The following LRP1B variants were observed in gnomAD, a reference collection of about 807,000 sequenced individuals.
LRP1B encodes the protein LDL receptor related protein 1B.
LRP1B carries 217 observed loss-of-function variants against 556.6 expected under a neutral mutation model. The ratio of observed to expected loss-of-function variants is 0.39; its 90% CI spans 0.35 to 0.44. The LOEUF (loss-of-function observed/expected upper bound fraction) is 0.44, where lower values mean the gene tolerates loss of function less well. Ranked by LOEUF, LRP1B falls within the 20% of genes least tolerant of loss-of-function variation. LRP1B has a pLI of 1.00. For synonymous variants in LRP1B, 2,047 were observed against 1,865.8 expected (o/e 1.10, Z -2.50); for missense variants, 5,053 against 5,620.8 (o/e 0.90, Z 3.23).
intron 1 of LRP1B, among the ~76,000 whole-genome samples, chr2:141,838,750 T>A (rs1015355308): frequency 6.6e-6 from 1 of 152,196 alleles, no homozygotes; most frequent in Non-Finnish European, 1.5e-5. Context: ...ATAATTTACA[T>A]GTTCGCTGGA....
At chr2:140,351,711 G>A (rs1243298464) in intron 76 of LRP1B, among the ~76,000 whole-genome samples, 6 of 151,822 alleles carry the variant, frequency 4.0e-5, no homozygotes, top group East Asian at 1.9e-4. Context: ...AAATATTAAC[G>A]AAGCCCTAAA....
At chr2:140,269,571 A>T (rs1415968509) in intron 86 of LRP1B, among the ~76,000 whole-genome samples, 6 of 152,012 alleles carry the variant, frequency 3.9e-5, no homozygotes, top group Non-Finnish European at 7.4e-5. Flanking sequence ...GATGTGGGTT[A>T]TATGTGGGCA....
intron 84 of LRP1B, among the ~76,000 whole-genome samples, chr2:140,292,392 A>C (rs143785287): frequency 6.6e-6 from 1 of 152,148 alleles, no homozygotes; most frequent in Non-Finnish European, 1.5e-5. Flanking sequence ...AATCTAATAG[A>C]AACAGGAAAA....
At chr2:141,936,906 GT>G (rs11312481) in intron 1 of LRP1B, among the ~76,000 whole-genome samples, 25,669 of 143,326 alleles carry the variant, frequency 0.18, 2,266 homozygotes, top group African/African-American at 0.25. Context: ...ACACACATTA[GT>G]TTTTTTTTTT....
intron 11 of LRP1B, among the ~76,000 whole-genome samples, chr2:141,025,244 CAGAT>C (rs977033730): frequency 2.4e-4 from 36 of 152,088 alleles, no homozygotes; most frequent in Non-Finnish European, 3.5e-4. Flanking sequence ...GCAATAAATG[CAGAT>C]AGATAGAGCA....
chr2:141,827,864 A>G (rs1245632672), intron 1 of LRP1B, among the ~76,000 whole-genome samples: 2 of 152,062 alleles, frequency 1.3e-5, no homozygotes, highest in Non-Finnish European at 2.9e-5. Flanking sequence ...ATCTATATAT[A>G]CACCTATGTC....
chr2:140,298,476 ATAAT>A (rs1166559398), intron 83 of LRP1B, among the ~76,000 whole-genome samples: 1 of 152,218 alleles, frequency 6.6e-6, no homozygotes, highest in Non-Finnish European at 1.5e-5. Context: ...GTAATTTATA[ATAAT>A]TAAATTTAGT....
intron 11 of LRP1B, among the ~76,000 whole-genome samples, chr2:141,040,234 T>C (rs745525532): frequency 6.6e-6 from 1 of 152,240 alleles, no homozygotes; most frequent in Middle Eastern, 3.4e-3. Flanking sequence ...AAAAATAAGA[T>C]TGATATTTAC....
At chr2:141,655,230 T>A (rs1689960130) in intron 2 of LRP1B, among the ~76,000 whole-genome samples, 1 of 152,176 alleles carries the variant, frequency 6.6e-6, no homozygotes. Context: ...AATGGATTTA[T>A]ATTCATGCTT....
chr2:141,517,259 T>TACACACACACACACACACCCACACATAC (rs71281835), intron 2 of LRP1B, among the ~76,000 whole-genome samples: 1 of 141,390 alleles, frequency 7.1e-6, no homozygotes. Flanking sequence ...AGGACAAGAA[T>TACACACACACACACACACCCACACATAC]ACGCACACAC....
At chr2:142,010,538 G>A (rs1382156989) in intron 1 of LRP1B, among the ~76,000 whole-genome samples, 1 of 110,506 alleles carries the variant, frequency 9.0e-6, no homozygotes, top group East Asian at 2.9e-4. Flanking sequence ...CTGGGCGACA[G>A]AGCAAGATTC....
At chr2:142,109,519 G>T (rs1186392943) in intron 1 of LRP1B, among the ~76,000 whole-genome samples, 1 of 152,100 alleles carries the variant, frequency 6.6e-6, no homozygotes, top group African/African-American at 2.4e-5. Context: ...AACATAACTT[G>T]GGTACTTCTG....
chr2:141,787,988 G>A (rs1202101015), intron 2 of LRP1B, among the ~76,000 whole-genome samples: 1 of 151,882 alleles, frequency 6.6e-6, no homozygotes, highest in Non-Finnish European at 1.5e-5. Context: ...TAAAGGAATA[G>A]AATTCTGTCC....
chr2:140,762,378 A>C (rs1688956148), intron 35 of LRP1B, among the ~76,000 whole-genome samples: 1 of 152,148 alleles, frequency 6.6e-6, no homozygotes, highest in Admixed American at 6.6e-5. Flanking sequence ...CACCTTCCTC[A>C]AAAGATTCTT....
intron 3 of LRP1B, among the ~76,000 whole-genome samples, chr2:141,362,500 C>A (rs1268120692): frequency 6.6e-6 from 1 of 152,162 alleles, no homozygotes; most frequent in East Asian, 1.9e-4. Flanking sequence ...ATGGCTAGAC[C>A]AGCAGTAAAA....
intron 62 of LRP1B, 77 bp from the exon 63 acceptor site, chr2:140,450,738 A>G: frequency 1.0e-6 from 1 of 960,770 alleles, no homozygotes; most frequent in Non-Finnish European, 1.6e-6. Context: ...ATTTGGCAAC[A>G]CAGCCTAGTC....
At chr2:141,836,589 T>A (rs1023676835) in intron 1 of LRP1B, among the ~76,000 whole-genome samples, 1 of 151,952 alleles carries the variant, frequency 6.6e-6, no homozygotes, top group Non-Finnish European at 1.5e-5. Context: ...GGATCACCAT[T>A]AGGCCTTCAA....
At chr2:141,872,274 T>C (rs1276095092) in intron 1 of LRP1B, among the ~76,000 whole-genome samples, 1 of 151,930 alleles carries the variant, frequency 6.6e-6, no homozygotes, top group Non-Finnish European at 1.5e-5. Flanking sequence ...AGAACTGAAA[T>C]GAAATATTTT....
chr2:140,369,050 T>C (rs543306252), intron 71 of LRP1B, among the ~76,000 whole-genome samples: 3 of 152,024 alleles, frequency 2.0e-5, no homozygotes, highest in Non-Finnish European at 4.4e-5. Context: ...ATTAAATATT[T>C]AGTAGAATAA....
Sources: allele counts gnomAD v4.1 joint callset (sites outside exome capture counted in the v4.1 genomes callset), GRCh38; gene constraint gnomAD v4.1.1; transcripts MANE v1.5; gene names NCBI Gene and HGNC (gene_info 2026-07-23, HGNC 2026-07-21).